Variants in GALNT13 observed in about 807,000 individuals in gnomAD.
GALNT13 encodes UDP-GalNAc:polypeptide N-acetylgalactosaminyltransferase 13.
GALNT13 carries 28 observed loss-of-function variants against 64.2 expected under a neutral mutation model. The ratio of observed to expected loss-of-function variants is 0.44; its 90% CI spans 0.32 to 0.60. GALNT13 has a LOEUF of 0.60. Ranked by LOEUF, GALNT13 falls within the 20% of genes least tolerant of loss-of-function variation. The pLI is 0.05. For missense variants in GALNT13, 577 were observed against 669.8 expected, an observed-to-expected ratio of 0.86 and a Z score of 1.53; for synonymous variants, 214 against 224.6, an observed-to-expected ratio of 0.95 and a Z score of 0.42.
the GALNT13 span, among the ~76,000 whole-genome samples, chr2:153,631,968 C>T: frequency 6.6e-6 from 1 of 152,118 alleles, no homozygotes; most frequent in Non-Finnish European, 1.5e-5. Flanking sequence ...AGTAGTCCTA[C>T]TTTAATCCCC....
intron 8 of GALNT13, among the ~76,000 whole-genome samples, chr2:154,297,957 G>T (rs1380406770): frequency 6.6e-6 from 1 of 152,056 alleles, no homozygotes; most frequent in Non-Finnish European, 1.5e-5. Context: ...ATTTCTGTTT[G>T]TATGTTTCTG....
chr2:153,372,612 C>T, the GALNT13 span, among the ~76,000 whole-genome samples: 2 of 151,402 alleles, frequency 1.3e-5, no homozygotes, highest in Non-Finnish European at 2.9e-5. Context: ...TGCCACTGCA[C>T]TCCAGCCTGG....
the GALNT13 span, among the ~76,000 whole-genome samples, chr2:153,549,859 C>A: frequency 1.7e-4 from 26 of 152,310 alleles, no homozygotes; most frequent in African/African-American, 5.8e-4. Flanking sequence ...TATCTGGCAG[C>A]GTCTGACCAG....
At chr2:153,667,366 C>T in the GALNT13 span, among the ~76,000 whole-genome samples, 1 of 152,164 alleles carries the variant, frequency 6.6e-6, no homozygotes, top group South Asian at 2.1e-4. Context: ...AAAGTAAAGG[C>T]AGCTAGAGAA....
the GALNT13 span, among the ~76,000 whole-genome samples, chr2:153,292,004 C>T: frequency 2.0e-5 from 3 of 152,200 alleles, no homozygotes; most frequent in Non-Finnish European, 4.4e-5. Flanking sequence ...AGGAAATGCC[C>T]TATCCACAGG....
chr2:153,624,791 A>C, the GALNT13 span, among the ~76,000 whole-genome samples: 1 of 122,454 alleles, frequency 8.2e-6, no homozygotes, highest in Non-Finnish European at 1.7e-5. Context: ...AGGAAGAGAG[A>C]CTTTTTTTTT....
At chr2:154,427,385 G>A (rs964553052) in intron 11 of GALNT13, among the ~76,000 whole-genome samples, 1 of 152,168 alleles carries the variant, frequency 6.6e-6, no homozygotes, top group Non-Finnish European at 1.5e-5. Context: ...GTAAGAGAGT[G>A]CTAAATGAAA....
chr2:153,514,887 G>T, the GALNT13 span, among the ~76,000 whole-genome samples: 1 of 152,080 alleles, frequency 6.6e-6, no homozygotes, highest in African/African-American at 2.4e-5. Context: ...GGGACAATGT[G>T]GGAAGAGCAT....
At chr2:153,406,759 T>G in the GALNT13 span, among the ~76,000 whole-genome samples, 2 of 152,180 alleles carry the variant, frequency 1.3e-5, no homozygotes, top group Non-Finnish European at 2.9e-5. Flanking sequence ...GTATATTTAA[T>G]TTTCTCTTTA....
chr2:153,478,726 G>C, the GALNT13 span: 1 of 638,630 alleles, frequency 1.6e-6, no homozygotes, highest in African/African-American at 1.9e-5. Context: ...GAGTTTCCCA[G>C]GAGCCTCTCC....
chr2:154,108,155 T>G (rs997215863), intron 3 of GALNT13, among the ~76,000 whole-genome samples: 4 of 147,788 alleles, frequency 2.7e-5, no homozygotes, highest in Admixed American at 6.7e-5. Context: ...TATTTTTTGG[T>G]TTTTTTTTTC....
the GALNT13 span, among the ~76,000 whole-genome samples, chr2:153,721,516 A>G: frequency 9.9e-5 from 15 of 150,858 alleles, no homozygotes; most frequent in African/African-American, 3.7e-4. Context: ...ACAGACTGGC[A>G]AGTTAGATAA....
chr2:154,405,658 G>T (rs1009700785), intron 10 of GALNT13, among the ~76,000 whole-genome samples: 1 of 151,912 alleles, frequency 6.6e-6, no homozygotes, highest in African/African-American at 2.4e-5. Context: ...GGAAGCTGAG[G>T]CAGAGAATTG....
chr2:153,999,131 G>T (rs564003981), intron 3 of GALNT13, among the ~76,000 whole-genome samples: 5 of 152,224 alleles, frequency 3.3e-5, no homozygotes, highest in African/African-American at 9.6e-5. Context: ...GAGGCATCAT[G>T]CCACTTGACT....
chr2:153,498,203 AC>A, the GALNT13 span, among the ~76,000 whole-genome samples: 1 of 152,244 alleles, frequency 6.6e-6, no homozygotes, highest in Non-Finnish European at 1.5e-5. Flanking sequence ...CTTAAAAGAT[AC>A]AACCTTTTTA....
chr2:154,291,402 T>C (rs1399219957), intron 8 of GALNT13, among the ~76,000 whole-genome samples: 2 of 152,180 alleles, frequency 1.3e-5, no homozygotes, highest in South Asian at 2.1e-4. Flanking sequence ...AGAGTGCTGA[T>C]TGGTGCATTT....
the GALNT13 span, among the ~76,000 whole-genome samples, chr2:153,156,326 A>G: frequency 6.6e-6 from 1 of 152,146 alleles, no homozygotes; most frequent in South Asian, 2.1e-4. Context: ...CATAGTTCGA[A>G]CTTTGTTTTG....
At chr2:153,745,403 G>A in the GALNT13 span, among the ~76,000 whole-genome samples, 1 of 152,112 alleles carries the variant, frequency 6.6e-6, no homozygotes, top group Admixed American at 6.6e-5. Context: ...AGAATCTGTG[G>A]TAGGGCTGAG....
chr2:153,876,668 A>G (rs1322546155), intron 1 of GALNT13, among the ~76,000 whole-genome samples: 2 of 152,128 alleles, frequency 1.3e-5, no homozygotes, highest in Non-Finnish European at 2.9e-5. Flanking sequence ...TTGATTACCA[A>G]GAAATGATTA....
Sources: gnomAD v4.1 joint callset for allele counts (sites outside exome capture counted in the v4.1 genomes callset) on GRCh38, gnomAD v4.1.1 for gene constraint, MANE v1.5 for transcripts, NCBI Gene and HGNC (gene_info 2026-07-23, HGNC 2026-07-21) for gene names.